The following FAIM variants were observed in gnomAD, a reference collection of about 807,000 sequenced individuals.
FAIM encodes Fas apoptotic inhibitory molecule.
In FAIM, 14 loss-of-function variants were observed where a neutral mutation model predicts 21.2. The ratio of observed to expected loss-of-function variants is 0.66; its 90% CI spans 0.44 to 1.03. The LOEUF (loss-of-function observed/expected upper bound fraction) is 1.03. Ranked by LOEUF, FAIM falls within the 50% of genes least tolerant of loss-of-function variation. The pLI is 0.00. For synonymous variants in FAIM, 86 were observed against 80.4 expected, an observed-to-expected ratio of 1.07 and a Z score of -0.37; for missense variants, 222 against 247.1, an observed-to-expected ratio of 0.90 and a Z score of 0.68.
intron 5 of FAIM, among the ~76,000 whole-genome samples, chr3:138,631,871 C>T (rs924744200): frequency 2.0e-5 from 3 of 152,088 alleles, no homozygotes; most frequent in Non-Finnish European, 2.9e-5. Context: ...TAAGGAGCCA[C>T]GGGCCACATC....
intron 4 of FAIM, among the ~76,000 whole-genome samples, chr3:138,625,323 C>T (rs987153742): frequency 2.0e-5 from 3 of 150,856 alleles, no homozygotes; most frequent in Non-Finnish European, 3.0e-5. Flanking sequence ...ATTAGCTGGG[C>T]GTGGTGGTGG....
At chr3:138,628,766 A>G (rs565268602) in intron 4 of FAIM, among the ~76,000 whole-genome samples, 92 of 152,266 alleles carry the variant, frequency 6.0e-4, no homozygotes, top group African/African-American at 2.0e-3. Flanking sequence ...TACAGGCGTG[A>G]GCCACCGCGC....
intron 1 of FAIM, among the ~76,000 whole-genome samples, chr3:138,609,622 T>TCTCTCGACTCTCTCTCTCTCTCTCTCGA: frequency 1.5e-5 from 2 of 129,474 alleles, no homozygotes; most frequent in African/African-American, 5.8e-5. Context: ...CGACTCTCTC[T>TCTCTCGACTCTCTCTCTCTCTCTCTCGA]CTCTCTCTCT....
intron 4 of FAIM, among the ~76,000 whole-genome samples, chr3:138,626,305 G>A (rs1392180444): frequency 6.6e-6 from 1 of 152,106 alleles, no homozygotes; most frequent in East Asian, 1.9e-4. Context: ...TCAAGATTCA[G>A]AAATCAAAAT....
intron 4 of FAIM, 27 bp from the exon 5 acceptor site, chr3:138,629,076 ATAAC>A (rs781752661): frequency 1.3e-6 from 2 of 1,527,886 alleles, no homozygotes; most frequent in Non-Finnish European, 1.8e-6. Context: ...TCACAGAATT[ATAAC>A]TTAAAGTTTT....
chr3:138,619,568 G>A (rs995120465), intron 1 of FAIM, 143 bp from the exon 2 acceptor site: 4 of 661,996 alleles, frequency 6.0e-6, no homozygotes, highest in African/African-American at 1.9e-5. Context: ...TTATGTAGAA[G>A]CTGTTTCATC....
chr3:138,616,548 T>C (rs922998900), intron 1 of FAIM, among the ~76,000 whole-genome samples: 1 of 152,078 alleles, frequency 6.6e-6, no homozygotes, highest in African/African-American at 2.4e-5. Flanking sequence ...CTAATTTTTT[T>C]TGGTGTTACT....
At chr3:138,632,848 T>G (rs1037421718) in intron 5 of FAIM, 82 bp from the exon 6 acceptor site, 47 of 1,346,328 alleles carry the variant, frequency 3.5e-5, no homozygotes, top group Middle Eastern at 1.9e-4. Context: ...ATTGCACTAC[T>G]AGTACTTTTA....
intron 1 of FAIM, among the ~76,000 whole-genome samples, 198 bp from the exon 2 acceptor site, chr3:138,619,513 A>C (rs527385717): frequency 6.6e-6 from 1 of 152,386 alleles, no homozygotes; most frequent in African/African-American, 2.4e-5. Context: ...ACTGATTTGC[A>C]TGATGTAACA....
At chr3:138,613,495 T>C (rs1388042620) in intron 1 of FAIM, among the ~76,000 whole-genome samples, 1 of 152,112 alleles carries the variant, frequency 6.6e-6, no homozygotes, top group East Asian at 1.9e-4. Flanking sequence ...TTTGTTTTTG[T>C]TTTTTTGAGA....
At chr3:138,618,402 C>T (rs748064320) in intron 1 of FAIM, among the ~76,000 whole-genome samples, 1 of 152,102 alleles carries the variant, frequency 6.6e-6, no homozygotes, top group Non-Finnish European at 1.5e-5. Flanking sequence ...TGTGGTGGCT[C>T]ATGCCTGTAA....
At chr3:138,626,315 T>C (rs1235400514) in intron 4 of FAIM, among the ~76,000 whole-genome samples, 2 of 152,208 alleles carry the variant, frequency 1.3e-5, no homozygotes, top group Non-Finnish European at 2.9e-5. Flanking sequence ...GAAATCAAAA[T>C]GCTATTAAAA....
intron 4 of FAIM, among the ~76,000 whole-genome samples, chr3:138,623,049 A>G (rs1388107204): frequency 6.6e-6 from 1 of 152,088 alleles, no homozygotes; most frequent in Admixed American, 6.5e-5. Context: ...AAAAAAAAAA[A>G]AAAAGTAATA....
chr3:138,625,862 C>T (rs1055957978), intron 4 of FAIM, among the ~76,000 whole-genome samples: 3 of 152,026 alleles, frequency 2.0e-5, no homozygotes, highest in Non-Finnish European at 4.4e-5. Flanking sequence ...TGAGAGCTGA[C>T]CTCAAAGATC....
At chr3:138,614,987 G>A (rs892190684) in intron 1 of FAIM, among the ~76,000 whole-genome samples, 1 of 152,052 alleles carries the variant, frequency 6.6e-6, no homozygotes, top group African/African-American at 2.4e-5. Context: ...CTTGTGATGG[G>A]GTTATATCCC....
intron 1 of FAIM, among the ~76,000 whole-genome samples, chr3:138,616,786 T>G (rs1229195545): frequency 2.0e-5 from 3 of 152,208 alleles, no homozygotes; most frequent in Non-Finnish European, 4.4e-5. Context: ...TAAAACAACA[T>G]TTTATTTAAT....
chr3:138,630,767 C>T (rs2042996731), intron 5 of FAIM: 2 of 152,142 alleles, frequency 1.3e-5, no homozygotes, highest in South Asian at 2.1e-4. Context: ...GGAATCAGCA[C>T]TTTTGAATTG....
At chr3:138,632,710 A>T (rs535898131) in intron 5 of FAIM, among the ~76,000 whole-genome samples, 68 of 152,230 alleles carry the variant, frequency 4.5e-4, no homozygotes, top group Non-Finnish European at 8.1e-4. Flanking sequence ...CCAAGAATTT[A>T]AGATTCTTAA....
At position 138,621,483 on chromosome 3, in the gene FAIM, A is replaced by G. The variant is rs2042884300; in HGVS notation, c.121A>G (p.Ile41Val). 6.2e-7 allele frequency: 1 copy of G among 1,613,932 alleles called. No homozygotes were observed. The highest frequency in any genetic ancestry group is 1.3e-5 in the African/African-American group (1 of 74,914). Residue 41 changes from isoleucine (I) to valine (V), a missense_variant, in exon 3 of 6, where the codon ATC becomes GTC. By Grantham distance (29) the Ile-to-Val change is conservative (BLOSUM62 3). Coordinates refer to ENST00000360570, the MANE Select transcript of FAIM (RefSeq NM_001033031.2). ...TGCTTTAAGTGACGGAGTCCACAAG[A>G]TCGAATTTGAACATGGGACTACATC... ...DVALSDGVHK[I>V]EFEHGTTSGK...
Sources: gnomAD v4.1 joint callset for allele counts (sites outside exome capture counted in the v4.1 genomes callset) on GRCh38, gnomAD v4.1.1 for gene constraint, MANE v1.5 for transcripts, NCBI Gene and HGNC (gene_info 2026-07-23, HGNC 2026-07-21) for gene names.